Variants in NR2C2 observed in about 807,000 individuals in gnomAD.
NR2C2 encodes the protein Nuclear hormone receptor TR4.
In NR2C2, 6 loss-of-function variants were observed where a neutral mutation model predicts 62.9. The observed-to-expected ratio is 0.10, with a 90% CI of 0.05 to 0.19. The LOEUF (loss-of-function observed/expected upper bound fraction) is 0.19, where lower values mean the gene tolerates loss of function less well. Ranked by LOEUF, NR2C2 falls within the 10% of genes least tolerant of loss-of-function variation. NR2C2 has a pLI of 1.00. For missense variants in NR2C2, 479 were observed against 762.7 expected, an observed-to-expected ratio of 0.63 and a Z score of 4.38; for synonymous variants, 272 against 273.8, an observed-to-expected ratio of 0.99 and a Z score of 0.07.
rs1039390019 is a variant in NR2C2 at position 15,047,358 on chromosome 3, G to C, written c.*4350G>C. ...GAGGTTCTGACAGGGTGACATTTCC[G>C]TATATTCTCTAGGTTCGGACAAGAG... On this transcript the variant is annotated 3_prime_UTR_variant, in exon 14 of 14. Coordinates refer to ENST00000425241, the MANE Select transcript of NR2C2 (RefSeq NM_001291694.2). The C allele has an allele frequency of 6.6e-6, 1 of 152,162 alleles. No homozygotes were observed. Among genetic ancestry groups the C allele is most frequent in the African/African-American group, 2.4e-5 (1 of 41,442 alleles). 9.4% of individuals were successfully genotyped at this position (152,162 alleles called of 1,614,324 possible).
chr3:15,024,157 G>C lies in NR2C2; in HGVS notation c.747G>C (p.Gln249His). The part of the protein sequence containing the change: ...LLDPGMLVNI[Q>H]QPLIREDGTV... Reference sequence around the variant, plus strand: ...ATCCAGGGATGCTTGTGAACATCCAGCAGCCTTTGATACGTGAGGATGGTA... The same window carrying C: ...ATCCAGGGATGCTTGTGAACATCCACCAGCCTTTGATACGTGAGGATGGTA... Residue 249 changes from glutamine (Q) to histidine (H), a missense_variant, in exon 7 of 14, where the codon CAG becomes CAC. By Grantham distance (24) the Gln-to-His change is conservative (BLOSUM62 0). Around this residue, in one of 4 missense-constraint regions of NR2C2, gnomAD observed 151 missense variants for 176.1 expected, o/e 0.86. Coordinates refer to ENST00000425241, the MANE Select transcript of NR2C2 (RefSeq NM_001291694.2). 6.2e-7 allele frequency: 1 copy of C among 1,612,812 alleles called. No individual in the cohort carries two copies. Among genetic ancestry groups the C allele is most frequent in the South Asian group, 1.1e-5 (1 of 90,772 alleles).
intron 1 of NR2C2, among the ~76,000 whole-genome samples, chr3:14,981,623 AG>A (rs1043605616): frequency 4.3e-5 from 6 of 140,390 alleles, no homozygotes; most frequent in Non-Finnish European, 6.2e-5. Context: ...AAAAAAAAAA[AG>A]AGTATTGATT....
At chr3:15,011,560 T>C (rs909623210) in intron 2 of NR2C2, among the ~76,000 whole-genome samples, 1 of 152,234 alleles carries the variant, frequency 6.6e-6, no homozygotes, top group Non-Finnish European at 1.5e-5. Context: ...TCATGTTTTA[T>C]GTTTCTGGGG....
intron 5 of NR2C2, among the ~76,000 whole-genome samples, chr3:15,021,953 A>C (rs1208374627): frequency 1.3e-5 from 2 of 152,248 alleles, no homozygotes; most frequent in Non-Finnish European, 2.9e-5. Context: ...CTTTGCCCAA[A>C]GTGAATAAAT....
In NR2C2 at chr3:14,967,981, A is replaced by ATCAATTC. The variant is rs375271012; in HGVS notation, c.-40+20076_-40+20082dup. Among the ~76,000 whole-genome samples the ATCAATTC allele has an allele frequency of 5.2e-3, 796 of 152,264 alleles. 6 individuals carry two copies. The highest frequency in any genetic ancestry group is 0.018 in the African/African-American group (746 of 41,546). On this transcript the variant is annotated intron_variant, in intron 1 of 13. Transcript: ENST00000425241. ...TCCCTTCCTTACACCTTATACAAAA[A>ATCAATTC]TCAATTCAAGATGGATTAAAGACTT...
At chr3:15,013,286 C>T (rs769979485) in intron 2 of NR2C2, among the ~76,000 whole-genome samples, 1 of 152,160 alleles carries the variant, frequency 6.6e-6, no homozygotes, top group Non-Finnish European at 1.5e-5. Flanking sequence ...AGGACAAGGA[C>T]TTTTCAAAAA....
chr3:14,948,117 C>G (rs2039191937), intron 1 of NR2C2: 1 of 152,056 alleles, frequency 6.6e-6, no homozygotes, highest in South Asian at 2.1e-4. Context: ...CGGGTTCCCC[C>G]TGACCGGCCC....
intron 1 of NR2C2, among the ~76,000 whole-genome samples, chr3:14,964,103 G>A (rs2039767716): frequency 6.6e-6 from 1 of 152,090 alleles, no homozygotes; most frequent in Non-Finnish European, 1.5e-5. Flanking sequence ...CCAGCTTTAG[G>A]TGAAACCACA....
At chr3:15,022,104 A>G (rs1289141862) in intron 5 of NR2C2, among the ~76,000 whole-genome samples, 1 of 152,262 alleles carries the variant, frequency 6.6e-6, no homozygotes, top group Non-Finnish European at 1.5e-5. Flanking sequence ...ATTCAACTGG[A>G]TAGCAGTTTG....
At chr3:15,029,109 CTTT>C (rs200667224) in intron 8 of NR2C2, among the ~76,000 whole-genome samples, 3 of 123,884 alleles carry the variant, frequency 2.4e-5, no homozygotes, top group African/African-American at 3.8e-5. Flanking sequence ...TTTCTTTTTT[CTTT>C]TTTTTTTTTT....
chr3:14,956,510 T>TA (rs1366543702), intron 1 of NR2C2, among the ~76,000 whole-genome samples: 1 of 152,212 alleles, frequency 6.6e-6, no homozygotes, highest in Non-Finnish European at 1.5e-5. Flanking sequence ...CAGGGCGAAT[T>TA]ACAAATGCTT....
At chr3:15,008,197 G>A (rs1479289666) in intron 2 of NR2C2, among the ~76,000 whole-genome samples, 1 of 151,000 alleles carries the variant, frequency 6.6e-6, no homozygotes, top group Non-Finnish European at 1.5e-5. Context: ...TTAGATGTTA[G>A]CAAACAGTTT....
At chr3:15,041,369 C>A (rs1414595511) in intron 13 of NR2C2, among the ~76,000 whole-genome samples, 1 of 152,122 alleles carries the variant, frequency 6.6e-6, no homozygotes, top group Non-Finnish European at 1.5e-5. Flanking sequence ...ATGGCAGGTC[C>A]CTTACACCTT....
At chr3:14,965,883 G>C (rs1410375878) in intron 1 of NR2C2, among the ~76,000 whole-genome samples, 1 of 151,944 alleles carries the variant, frequency 6.6e-6, no homozygotes, top group East Asian at 1.9e-4. Context: ...CAGGCAGGCT[G>C]GTCTTGAACT....
Position 15,020,757 on chromosome 3 carries a change from T to C in NR2C2, c.381T>C (p.Arg127=), listed in dbSNP as rs1188151874. ...GTATTCTTTCTCCTGTTTCAGGCCGTCACTATGGGGCTGTCAGTTGTGAAG... is the reference window on the plus strand; with the variant it reads ...GTATTCTTTCTCCTGTTTCAGGCCGCCACTATGGGGCTGTCAGTTGTGAAG... ...CVVCGDKASG[R]HYGAVSCEGC... Residue 127 remains arginine (R), a synonymous_variant, in exon 5 of 14, where the codon CGT becomes CGC. Transcript: ENST00000425241. The C allele has an allele frequency of 6.2e-7, 1 of 1,612,770 alleles. No individual in the cohort carries two copies. The highest frequency in any genetic ancestry group is 2.2e-5 in the East Asian group (1 of 44,870).
rs527618109 is a variant in NR2C2, at chr3:15,000,806, T to A, written c.-39-3070T>A. 3.3e-4 allele frequency among the ~76,000 whole-genome samples: 50 copies of A among 149,994 alleles called. 1 individual carries two copies. In the South Asian group the frequency reaches 3.8e-3, roughly 11 times the overall value. ...TATTAAGTCACAAATGTCTTTCTAT[T>A]TATTTAGGTTTTTTTTTTTTTTTTT... On this transcript the variant is annotated intron_variant, in intron 1 of 13. Coordinates refer to ENST00000425241, the MANE Select transcript of NR2C2 (RefSeq NM_001291694.2).
In NR2C2 at chr3:15,024,142, G is replaced by A. The variant is rs1169660991; in HGVS notation, c.732G>A (p.Met244Ile). ...AAACAGGTCTTCTTGATCCAGGGATGCTTGTGAACATCCAGCAGCCTTTGA... is the reference window on the plus strand; with the variant it reads ...AAACAGGTCTTCTTGATCCAGGGATACTTGTGAACATCCAGCAGCCTTTGA... ...ARQTGLLDPG[M>I]LVNIQQPLIR... Residue 244 changes from methionine to isoleucine, a missense_variant, in exon 7 of 14, where the codon ATG becomes ATA. Met to Ile is a conservative substitution (Grantham distance 10, BLOSUM62 1). Coordinates refer to ENST00000425241, the MANE Select transcript of NR2C2 (RefSeq NM_001291694.2). The A allele has an allele frequency of 3.1e-6, 5 of 1,612,806 alleles. No individual in the cohort carries two copies. The highest frequency in any genetic ancestry group is 4.2e-6 in the Non-Finnish European group (5 of 1,179,496).
chr3:15,039,340 C>A, intron 13 of NR2C2, 113 bp downstream of exon 13: 2 of 705,944 alleles, frequency 2.8e-6, no homozygotes, highest in Non-Finnish European at 5.0e-6. Context: ...CCTGATAGAG[C>A]CTCCATTGGA....
chr3:15,008,097 A>T (rs1287058679), intron 2 of NR2C2, among the ~76,000 whole-genome samples: 2 of 152,224 alleles, frequency 1.3e-5, no homozygotes, highest in African/African-American at 4.8e-5. Context: ...ACCTGGCACC[A>T]TGGGGAGAAC....
Sources: gnomAD v4.1 joint callset for allele counts (sites outside exome capture counted in the v4.1 genomes callset) on GRCh38, gnomAD v4.1.1 for gene constraint, gnomAD v4.1.1 regional missense constraint, MANE v1.5 for transcripts, NCBI Gene and HGNC (gene_info 2026-07-23, HGNC 2026-07-21) for gene names.